Variants in SV2B observed in about 807,000 individuals in gnomAD.
SV2B encodes the protein solute carrier family 22 member B2.
Under a neutral mutation model 73.9 loss-of-function variants are expected in SV2B, and 41 were observed. The observed-to-expected ratio is 0.56, with a 90% confidence interval of 0.43 to 0.72. The LOEUF is 0.72. SV2B is among the 30% of genes least tolerant of loss of function. The probability of loss-of-function intolerance (pLI) is 0.00; values close to 1 mark genes in which losing one functional copy is unlikely to be tolerated. For missense variants in SV2B, 764 were observed against 857.8 expected (o/e 0.89, Z 1.37); for synonymous variants, 314 against 314.2 (o/e 1.00, Z 0.01).
chr15:91,201,076 CA>C (rs1187712266), intron 1 of SV2B, among the ~76,000 whole-genome samples: 1 of 152,160 alleles, frequency 6.6e-6, no homozygotes, highest in East Asian at 1.9e-4. Flanking sequence ...GTAAAATGGA[CA>C]TGCTATTCCC....
Position 91,226,505 on chromosome 15 carries a change from T to A in SV2B, c.242T>A (p.Met81Lys). ...MDSLRGQTDL[M>K]AERLEDEEQL... is the part of the protein sequence containing the mutation. Reference sequence around the variant, plus strand: ...AGCCTTCGGGGCCAGACAGACCTGATGGCTGAGAGGCTGGAAGATGAGGAG... The same window carrying A: ...AGCCTTCGGGGCCAGACAGACCTGAAGGCTGAGAGGCTGGAAGATGAGGAG... Residue 81 changes from methionine to lysine, a missense_variant, in exon 2 of 13, where the codon ATG becomes AAG. Transcript: ENST00000394232. The A allele has an allele frequency of 6.2e-7, 1 of 1,614,172 alleles. No homozygotes were observed. The highest frequency in any genetic ancestry group is 8.5e-7 in the Non-Finnish European group (1 of 1,180,012).
chr15:91,168,330 GAA>G (rs1491154915), intron 1 of SV2B, among the ~76,000 whole-genome samples: 1 of 151,198 alleles, frequency 6.6e-6, no homozygotes, highest in Non-Finnish European at 1.5e-5. Context: ...GAGAGAGAGA[GAA>G]AAGAAATTTC....
At chr15:91,125,069 C>T (rs371161020) in intron 1 of SV2B, among the ~76,000 whole-genome samples, 1 of 152,178 alleles carries the variant, frequency 6.6e-6, no homozygotes, top group African/African-American at 2.4e-5. Context: ...TTCTTGCTAC[C>T]TGTTCACATA....
chr15:91,195,977 T>C (rs1237214670), intron 1 of SV2B, among the ~76,000 whole-genome samples: 1 of 152,194 alleles, frequency 6.6e-6, no homozygotes, highest in African/African-American at 2.4e-5. Context: ...ACAAAATATG[T>C]CTATTTCTTT....
chr15:91,206,491 T>A (rs550998522), intron 1 of SV2B, among the ~76,000 whole-genome samples: 1 of 152,312 alleles, frequency 6.6e-6, no homozygotes, highest in Admixed American at 6.5e-5. Context: ...TATTTTGAAT[T>A]TCAGTTCAGT....
chr15:91,169,751 C>T (rs1596513477), intron 1 of SV2B, among the ~76,000 whole-genome samples: 1 of 152,024 alleles, frequency 6.6e-6, no homozygotes, highest in African/African-American at 2.4e-5. Context: ...TAATGGGTAG[C>T]GGCGGAAGGG....
chr15:91,260,332 G>A lies in SV2B; in HGVS notation c.931G>A (p.Asp311Asn), dbSNP rs749006410. 6.2e-7 allele frequency: 1 copy of A among 1,610,780 alleles called. No homozygotes were observed. The highest frequency in any genetic ancestry group is 1.1e-5 in the South Asian group (1 of 90,292). ...TTGGTTTCACCAGATGGGCAAACAT[G>A]ATGAAGCCTGGATGATTCTCAAGCA... The part of the protein sequence containing the change: ...PRFLLEMGKH[D>N]EAWMILKQVH... Residue 311 changes from aspartate (D) to asparagine (N), a missense_variant, in exon 6 of 13, where the codon GAT becomes AAT. Transcript: ENST00000394232.
Position 91,252,089 on chromosome 15 carries a change from C to G in SV2B, c.632+90C>G. 2 of 1,481,626 alleles carry G rather than the reference C, an allele frequency of 1.3e-6. No individual in the cohort carries two copies. The highest frequency in any genetic ancestry group is 3.9e-4 in the Middle Eastern group (2 of 5,152). 91.8% of individuals were successfully genotyped at this position (1,481,626 alleles called of 1,614,324 possible). A position where few individuals can be genotyped will look rare whatever the true frequency, so the allele number is the denominator to read the frequency against. On this transcript the variant is annotated intron_variant, in intron 3 of 12. Coordinates refer to ENST00000394232, the MANE Select transcript of SV2B (RefSeq NM_001323032.3). The surrounding 1 kb of genome is among the most constrained non-coding windows in gnomAD (Gnocchi z 4.6). ...AGCTCCAAGAGGTAACTCTAGAAAC[C>G]CTTGGACTGACTGAGTTTTTGTTTG...
intron 1 of SV2B, among the ~76,000 whole-genome samples, chr15:91,222,369 C>T (rs2046248160): frequency 6.6e-6 from 1 of 152,160 alleles, no homozygotes; most frequent in African/African-American, 2.4e-5. Flanking sequence ...AGCAAGTATT[C>T]AATAAATGAA....
chr15:91,113,287 G>T (rs1288876514), intron 1 of SV2B, among the ~76,000 whole-genome samples: 1 of 152,242 alleles, frequency 6.6e-6, no homozygotes, highest in Non-Finnish European at 1.5e-5. Flanking sequence ...GGTGAGAAAG[G>T]TGTGCTCTTC....
chr15:91,135,092 C>T (rs1323058347), intron 1 of SV2B, among the ~76,000 whole-genome samples: 1 of 151,696 alleles, frequency 6.6e-6, no homozygotes, highest in African/African-American at 2.4e-5. Context: ...CTAGACCTCC[C>T]CAGCTCACGT....
In SV2B at chr15:91,209,114, G is replaced by GTTTTT. The variant is rs903531189; in HGVS notation, c.-391-16738_-391-16734dup. Among the ~76,000 whole-genome samples, 530 of 89,922 alleles carry GTTTTT rather than the reference G, an allele frequency of 5.9e-3. 14 individuals carry two copies. Among genetic ancestry groups the GTTTTT allele is most frequent in the Middle Eastern group, 7.8e-3 (1 of 128 alleles). 59.0% of individuals were successfully genotyped at this position (89,922 alleles called of 152,430 possible). The stretch of plus-strand genomic sequence containing the variant: ...AGTGACTGTGGCAGTACTGTTTTTT[G>GTTTTT]TTTTTTTTTTTTTTTTTTTTTTTTT... On this transcript the variant is annotated intron_variant, in intron 1 of 12. Coordinates refer to ENST00000394232, the MANE Select transcript of SV2B (RefSeq NM_001323032.3).
At chr15:91,276,125 T>C (rs2048478163) in intron 9 of SV2B, among the ~76,000 whole-genome samples, 1 of 151,866 alleles carries the variant, frequency 6.6e-6, no homozygotes, top group Admixed American at 6.5e-5. Context: ...TTGGCTTGCA[T>C]ACTTTCTGAT....
At chr15:91,109,676 G>A (rs529821697) in intron 1 of SV2B, among the ~76,000 whole-genome samples, 65 of 152,272 alleles carry the variant, frequency 4.3e-4, no homozygotes, top group African/African-American at 1.5e-3. Flanking sequence ...CAGTTTCAGA[G>A]CTCGAAGGGA....
Position 91,234,673 on chromosome 15 carries a change from A to G in SV2B, c.451+7959A>G, listed in dbSNP as rs915119484. 6.6e-6 allele frequency among the ~76,000 whole-genome samples: 1 copy of G among 152,190 alleles called. No individual in the cohort carries two copies. Reference sequence around the variant, plus strand: ...AACAGAGCATCATGGCTTCTTGGTCAATTCCCAGACTTGAGCCAGTTTACA... The same window carrying G: ...AACAGAGCATCATGGCTTCTTGGTCGATTCCCAGACTTGAGCCAGTTTACA... On this transcript the variant is annotated intron_variant, in intron 2 of 12. Coordinates refer to ENST00000394232, the MANE Select transcript of SV2B (RefSeq NM_001323032.3). This position sits in a 1 kb window ranked among gnomAD's most constrained non-coding sequence, Gnocchi z 5.6.
In SV2B at chr15:91,225,983, C is replaced by A. The variant is rs151137956; in HGVS notation, c.-281C>A. 6.8e-6 allele frequency: 3 copies of A among 443,740 alleles called. 1 individual carries two copies. Among genetic ancestry groups the A allele is most frequent in the Non-Finnish European group, 8.0e-6 (2 of 248,738 alleles). 27.5% of individuals were successfully genotyped at this position (443,740 alleles called of 1,614,324 possible). On this transcript the variant is annotated 5_prime_UTR_variant, in exon 2 of 13. Transcript: ENST00000394232. ...TCCATTTCTAATCAACACTTCCCAA[C>A]GCAACACTTCTGAGTCTCTGAAGGA...
intron 1 of SV2B, among the ~76,000 whole-genome samples, chr15:91,164,404 T>C (rs1459244022): frequency 6.6e-6 from 1 of 152,220 alleles, no homozygotes; most frequent in African/African-American, 2.4e-5. Context: ...GTATTCCTTG[T>C]CACATGTCTA....
intron 1 of SV2B, among the ~76,000 whole-genome samples, chr15:91,163,359 A>G (rs1432340373): frequency 6.6e-6 from 1 of 152,218 alleles, no homozygotes; most frequent in African/African-American, 2.4e-5. Flanking sequence ...ACAATGGTTG[A>G]ACTAGTTTAC....
rs947900164 is a variant in SV2B, at chr15:91,253,764, G to A, written c.784+1244G>A. 8.5e-5 allele frequency among the ~76,000 whole-genome samples: 13 copies of A among 152,322 alleles called. No individual in the cohort carries two copies. The highest frequency in any genetic ancestry group is 2.4e-4 in the African/African-American group (10 of 41,568). On this transcript the variant is annotated intron_variant, in intron 4 of 12. Transcript: ENST00000394232. The surrounding 1 kb of genome is among the most constrained non-coding windows in gnomAD (Gnocchi z 5.0). ...GAAGTAGAACACACTCACCATTTCC[G>A]CTCACATTCCAGTGGCCCCCAATCT...
Sources: allele counts gnomAD v4.1 joint callset (sites outside exome capture counted in the v4.1 genomes callset), GRCh38; gene constraint gnomAD v4.1.1; non-coding constraint Gnocchi (gnomAD v3.1); transcripts MANE v1.5; gene names NCBI Gene and HGNC (gene_info 2026-07-23, HGNC 2026-07-21).